The following BIN2 variants were observed in gnomAD, a reference collection of about 807,000 sequenced individuals.
BIN2 encodes bridging integrator 2, also known as breast cancer associated protein BRAP1.
Under a neutral mutation model 67.9 loss-of-function variants are expected in BIN2, and 43 were observed. The ratio of observed to expected loss-of-function variants is 0.63; its 90% CI spans 0.50 to 0.82. The LOEUF is 0.82. BIN2 is among the 40% of genes least tolerant of loss of function. The probability of loss-of-function intolerance (pLI) is 0.00; values close to 1 mark genes in which losing one functional copy is unlikely to be tolerated. For synonymous variants in BIN2, 244 were observed against 246.8 expected, an observed-to-expected ratio of 0.99 and a Z score of 0.11; for missense variants, 581 against 671.6, an observed-to-expected ratio of 0.87 and a Z score of 1.49.
At chr12:51,302,834 T>A in intron 3 of BIN2, 54 bp from the exon 4 acceptor site, 1 of 1,435,264 alleles carries the variant, frequency 7.0e-7, no homozygotes, top group Non-Finnish European at 9.8e-7. Flanking sequence ...GTAGTTGGTG[T>A]AATCACATGG....
At chr12:51,310,945 G>A (rs922521882) in intron 2 of BIN2, among the ~76,000 whole-genome samples, 1 of 151,900 alleles carries the variant, frequency 6.6e-6, no homozygotes, top group Non-Finnish European at 1.5e-5. Context: ...TTTTTGTAGA[G>A]ATGGGGTTTT....
At chr12:51,306,882 C>T (rs1231145383) in intron 2 of BIN2, among the ~76,000 whole-genome samples, 1 of 152,092 alleles carries the variant, frequency 6.6e-6, no homozygotes, top group Admixed American at 6.6e-5. Flanking sequence ...TAAATGTATA[C>T]AACATCTTTT....
At chr12:51,314,165 A>G (rs1946066755) in intron 1 of BIN2, among the ~76,000 whole-genome samples, 1 of 152,006 alleles carries the variant, frequency 6.6e-6, no homozygotes, top group Non-Finnish European at 1.5e-5. Flanking sequence ...CTCCTGCCTC[A>G]GCCTCCTGAG....
At chr12:51,302,598 C>A (rs927852455) in intron 4 of BIN2, 88 bp downstream of exon 4, 1 of 1,149,182 alleles carries the variant, frequency 8.7e-7, no homozygotes, top group South Asian at 1.3e-5. Context: ...CTTTGTTTTC[C>A]TATTTTCTTG....
chr12:51,322,387 T>C (rs140438920), intron 1 of BIN2, among the ~76,000 whole-genome samples: 4 of 152,196 alleles, frequency 2.6e-5, no homozygotes, highest in African/African-American at 9.6e-5. Context: ...TTGTATGTCT[T>C]TTATTTTTAT....
chr12:51,292,796 C>T (rs901782680), intron 9 of BIN2, among the ~76,000 whole-genome samples: 38 of 152,304 alleles, frequency 2.5e-4, no homozygotes, highest in African/African-American at 9.1e-4. Flanking sequence ...AGGCAATCAT[C>T]TACCTTCTTG....
upstream of BIN2, chr12:51,324,212 T>G (rs558299267): frequency 6.7e-7 from 1 of 1,496,438 alleles, no homozygotes; most frequent in South Asian, 1.3e-5. Flanking sequence ...GCCCCAGCCC[T>G]GAGCCACCTC....
intron 10 of BIN2, 77 bp downstream of exon 10, chr12:51,291,514 G>A: frequency 7.1e-7 from 1 of 1,409,984 alleles, no homozygotes; most frequent in Non-Finnish European, 9.5e-7. Context: ...CTACACTCCA[G>A]CCTGGACGCC....
chr12:51,301,870 G>T (rs907839742), intron 5 of BIN2, 150 bp downstream of exon 5: 62 of 597,350 alleles, frequency 1.0e-4, no homozygotes, highest in Non-Finnish European at 1.6e-4. Context: ...CTAACCTCTT[G>T]TCTAACCCTC....
chr12:51,306,816 C>T (rs1440476451), intron 2 of BIN2, among the ~76,000 whole-genome samples: 1 of 152,202 alleles, frequency 6.6e-6, no homozygotes, highest in Non-Finnish European at 1.5e-5. Context: ...GAAAGGATAT[C>T]TCACTTCCTC....
chr12:51,299,557 GA>G, intron 6 of BIN2, 49 bp downstream of exon 6: 4 of 1,549,992 alleles, frequency 2.6e-6, no homozygotes, highest in Non-Finnish European at 3.6e-6. Context: ...ACCATGGGGA[GA>G]AGGAGAACAG....
intron 8 of BIN2, among the ~76,000 whole-genome samples, chr12:51,296,723 T>C (rs1945577401): frequency 6.6e-6 from 1 of 152,136 alleles, no homozygotes; most frequent in Admixed American, 6.6e-5. Context: ...ACCAACCACC[T>C]GAGAAACTGA....
Position 51,292,170 on chromosome 12 carries a change from G to A in BIN2, c.936C>T (p.Ile312=), listed in dbSNP as rs747092682. The part of the protein sequence containing the change: ...DAAQGEDNSE[I]KELLEEEEIE... ...TTTCCTCCTCTTCTAAGAGCTCCTT[G>A]ATCTCAGAATTGTCTTCCCCTTGGG... is the stretch of plus-strand genomic sequence containing the variant. The change falls in exon 10 of 13, where the codon ATC becomes ATT. Residue 312 remains isoleucine (I), a synonymous_variant. Coordinates refer to ENST00000615107, the MANE Select transcript of BIN2 (RefSeq NM_016293.4). 1.2e-6 allele frequency: 2 copies of A among 1,613,602 alleles called. No individual in the cohort carries two copies. The highest frequency in any genetic ancestry group is 1.7e-6 in the Non-Finnish European group (2 of 1,180,016).
At chr12:51,297,417 A>AT (rs1043942495) in intron 7 of BIN2, 1 of 298,884 alleles carries the variant, frequency 3.3e-6, no homozygotes, top group African/African-American at 2.2e-5. Context: ...AAAAAAAAAA[A>AT]TTAGCCGGGC....
At chr12:51,299,171 C>G in intron 7 of BIN2, 32 bp downstream of exon 7, 1 of 1,526,696 alleles carries the variant, frequency 6.6e-7, no homozygotes, top group Non-Finnish European at 9.1e-7. Context: ...TTGTGTGAAG[C>G]AAAGGCACCT....
At position 51,284,818 on chromosome 12, in the gene BIN2, G is replaced by A. The variant is rs772966112; in HGVS notation, c.1597-31C>T. ...AAGAGAAGAGTTCTGCCAGTAAGAG[G>A]TGGCTCAACCTTTCCAGCCTCTCAG... On this transcript the variant is annotated intron_variant, in intron 11 of 12. Coordinates refer to ENST00000615107, the MANE Select transcript of BIN2 (RefSeq NM_016293.4). 2.6e-6 allele frequency: 4 copies of A among 1,541,274 alleles called. No individual in the cohort carries two copies. In the South Asian group the frequency reaches 3.4e-5, roughly 13 times the overall value.
At chr12:51,322,665 ACT>A (rs1946318078) in intron 1 of BIN2, 1 of 150,950 alleles carries the variant, frequency 6.6e-6, no homozygotes, top group Non-Finnish European at 1.5e-5. Context: ...GCTCGCCCAC[ACT>A]GTTTCGAGCT....
At chr12:51,302,157 A>C in intron 4 of BIN2, 42 bp from the exon 5 acceptor site, 1 of 1,435,068 alleles carries the variant, frequency 7.0e-7, no homozygotes, top group Non-Finnish European at 9.8e-7. Flanking sequence ...TCCACTTCCC[A>C]ACAACAACTG....
chr12:51,313,751 T>C (rs1259754136), intron 2 of BIN2, 72 bp downstream of exon 2: 2 of 1,354,260 alleles, frequency 1.5e-6, no homozygotes, highest in East Asian at 2.3e-5. Context: ...GCAGAACTTA[T>C]TGTTCTTCTG....
Sources: gnomAD v4.1 joint callset for allele counts (sites outside exome capture counted in the v4.1 genomes callset) on GRCh38, gnomAD v4.1.1 for gene constraint, MANE v1.5 for transcripts, NCBI Gene and HGNC (gene_info 2026-07-23, HGNC 2026-07-21) for gene names.